NALF1: variants seen among roughly 807,000 people sequenced by gnomAD.
The protein encoded by NALF1 is NALCN channel auxiliary factor 1.
A neutral mutation model predicts 48.4 loss-of-function variants in NALF1; 3 were observed. The ratio of observed to expected loss-of-function variants is 0.06; its 90% CI spans 0.03 to 0.16. NALF1 has a LOEUF of 0.16. Ranked by LOEUF, NALF1 falls within the 10% of genes least tolerant of loss-of-function variation. The probability of loss-of-function intolerance (pLI) is 1.00; values close to 1 mark genes in which losing one functional copy is unlikely to be tolerated. For synonymous variants in NALF1, 262 were observed against 245.7 expected, an observed-to-expected ratio of 1.07 and a Z score of -0.62; for missense variants, 526 against 571.5, an observed-to-expected ratio of 0.92 and a Z score of 0.81.
chr13:107,564,363 G>A (rs555545929), intron 1 of NALF1, among the ~76,000 whole-genome samples: 26 of 152,316 alleles, frequency 1.7e-4, no homozygotes, highest in African/African-American at 6.3e-4. Flanking sequence ...GGACAAAAGA[G>A]CAGCAGTTGC....
intron 1 of NALF1, among the ~76,000 whole-genome samples, chr13:107,315,373 T>C (rs1882126563): frequency 6.6e-6 from 1 of 152,142 alleles, no homozygotes; most frequent in Non-Finnish European, 1.5e-5. Context: ...CAAACTCACT[T>C]TGTTAAAACG....
rs901959059 is a variant in NALF1 at position 107,357,233 on chromosome 13, G to A, written c.916-146478C>T. Among the ~76,000 whole-genome samples, 24 of 152,148 alleles carry A rather than the reference G, an allele frequency of 1.6e-4. 1 individual carries two copies. The highest frequency in any genetic ancestry group is 7.3e-5 in the Non-Finnish European group (5 of 68,030). ...CTCACAATCATGGCAGAAGGCAAAC[G>A]GGAAGCAAGCACAGACCTTCTCATA... On this transcript the variant is annotated intron_variant, in intron 1 of 2. Coordinates refer to ENST00000375915, the MANE Select transcript of NALF1 (RefSeq NM_001080396.3).
intron 1 of NALF1, among the ~76,000 whole-genome samples, chr13:107,385,960 T>G (rs1883523983): frequency 6.6e-6 from 1 of 152,166 alleles, no homozygotes; most frequent in African/African-American, 2.4e-5. Context: ...ATTTCACAAC[T>G]GCAAAATTAA....
intron 1 of NALF1, among the ~76,000 whole-genome samples, chr13:107,277,300 TATA>T (rs1351692941): frequency 2.6e-5 from 4 of 152,162 alleles, no homozygotes; most frequent in African/African-American, 9.7e-5. Context: ...TTAATACAAC[TATA>T]ATGTTAGCAA....
At chr13:107,523,398 T>C (rs916168676) in intron 1 of NALF1, among the ~76,000 whole-genome samples, 6 of 152,010 alleles carry the variant, frequency 3.9e-5, no homozygotes, top group African/African-American at 1.2e-4. Context: ...ATACTTTAAG[T>C]TTTAGGGTAC....
chr13:107,725,571 C>T (rs1876123711), intron 1 of NALF1, among the ~76,000 whole-genome samples: 2 of 151,918 alleles, frequency 1.3e-5, no homozygotes, highest in African/African-American at 2.4e-5. Flanking sequence ...ATTACCTGGG[C>T]GCAGAGGCGC....
intron 2 of NALF1, among the ~76,000 whole-genome samples, chr13:107,205,336 C>A (rs1273958341): frequency 2.0e-5 from 3 of 152,266 alleles, no homozygotes; most frequent in Admixed American, 6.5e-5. Context: ...TGTGAAGTCA[C>A]TCACAAGTAA....
Position 107,232,176 on chromosome 13 carries a change from C to A in NALF1, c.916-21421G>T, listed in dbSNP as rs530043030. 6.6e-5 allele frequency among the ~76,000 whole-genome samples: 10 copies of A among 152,308 alleles called. No individual in the cohort carries two copies. The East Asian group carries it at 1.2e-3, about 18-fold the overall frequency. On this transcript the variant is annotated intron_variant, in intron 1 of 2. Transcript: ENST00000375915. Reference sequence around the variant, plus strand: ...TCGCCATTACGTAAGCGCTCTGAAACAAAGCCAAGGTAATTAGGTAGGTAA... The same window carrying A: ...TCGCCATTACGTAAGCGCTCTGAAAAAAAGCCAAGGTAATTAGGTAGGTAA...
intron 1 of NALF1, among the ~76,000 whole-genome samples, chr13:107,243,733 G>A (rs756549496): frequency 2.0e-5 from 3 of 151,986 alleles, no homozygotes; most frequent in Non-Finnish European, 4.4e-5. Flanking sequence ...TTTATCTATC[G>A]TGTTAGATAA....
chr13:107,271,231 A>C (rs1317586130), intron 1 of NALF1, among the ~76,000 whole-genome samples: 4 of 152,164 alleles, frequency 2.6e-5, no homozygotes, highest in Non-Finnish European at 5.9e-5. Context: ...ATTTGACCTT[A>C]ATATAGAGAC....
chr13:107,717,509 T>C (rs1469129967), intron 1 of NALF1, among the ~76,000 whole-genome samples: 1 of 151,764 alleles, frequency 6.6e-6, no homozygotes, highest in African/African-American at 2.4e-5. Context: ...CGAGAAACCC[T>C]TGGGATGTGG....
At chr13:107,759,691 A>G (rs1458620096) in intron 1 of NALF1, among the ~76,000 whole-genome samples, 1 of 151,206 alleles carries the variant, frequency 6.6e-6, no homozygotes, top group Non-Finnish European at 1.5e-5. Context: ...CTGTGTTCTT[A>G]CCTTACTGTT....
At chr13:107,254,342 G>A (rs1265545765) in intron 1 of NALF1, among the ~76,000 whole-genome samples, 1 of 152,100 alleles carries the variant, frequency 6.6e-6, no homozygotes, top group African/African-American at 2.4e-5. Flanking sequence ...ACGCCATACT[G>A]AACAGCATTT....
At chr13:107,254,641 G>A (rs1880776102) in intron 1 of NALF1, among the ~76,000 whole-genome samples, 1 of 152,164 alleles carries the variant, frequency 6.6e-6, no homozygotes, top group Admixed American at 6.5e-5. Flanking sequence ...CTTGCCCTGG[G>A]TAAATAAACC....
At chr13:107,652,256 T>C (rs1262051271) in intron 1 of NALF1, among the ~76,000 whole-genome samples, 1 of 152,180 alleles carries the variant, frequency 6.6e-6, no homozygotes, top group African/African-American at 2.4e-5. Flanking sequence ...TTCTGAGTTG[T>C]GTGCAATTAC....
intron 1 of NALF1, among the ~76,000 whole-genome samples, chr13:107,622,712 C>T (rs1027475480): frequency 2.4e-4 from 37 of 152,218 alleles, no homozygotes; most frequent in African/African-American, 8.4e-4. Flanking sequence ...GAAAACCATT[C>T]CATTTCAGAT....
intron 1 of NALF1, among the ~76,000 whole-genome samples, chr13:107,601,605 G>C (rs1878928474): frequency 6.6e-6 from 1 of 152,068 alleles, no homozygotes; most frequent in African/African-American, 2.4e-5. Context: ...TCAGGGTGTA[G>C]GAATATCCTA....
At chr13:107,368,341 G>C (rs1883188116) in intron 1 of NALF1, among the ~76,000 whole-genome samples, 1 of 144,832 alleles carries the variant, frequency 6.9e-6, no homozygotes, top group Non-Finnish European at 1.5e-5. Context: ...TTTTGAGATG[G>C]AGTCTCACTC....
intron 1 of NALF1, among the ~76,000 whole-genome samples, chr13:107,755,705 T>C (rs1027500460): frequency 2.0e-5 from 3 of 152,050 alleles, no homozygotes; most frequent in Non-Finnish European, 4.4e-5. Flanking sequence ...TGCACATGCT[T>C]CACACACATA....
Sources: gnomAD v4.1 joint callset for allele counts (sites outside exome capture counted in the v4.1 genomes callset) on GRCh38, gnomAD v4.1.1 for gene constraint, MANE v1.5 for transcripts, NCBI Gene and HGNC (gene_info 2026-07-23, HGNC 2026-07-21) for gene names.